The following DMD variants were observed in gnomAD, a reference collection of about 807,000 sequenced individuals.
The protein encoded by DMD is dystrophin.
In DMD, 63 loss-of-function variants were observed where a neutral mutation model predicts 330.1. That is an observed-to-expected ratio of 0.19 (90% confidence interval 0.16 to 0.24). DMD has a LOEUF of 0.24. DMD is among the 10% of genes least tolerant of loss of function. DMD has a pLI of 1.00. For synonymous variants in DMD, 1,223 were observed against 959.8 expected (o/e 1.27, Z -5.07); for missense variants, 3,344 against 2,684.1 (o/e 1.25, Z -5.43).
intron 54 of DMD, among the ~76,000 whole-genome samples, chrX:31,628,416 GA>G: frequency 9.0e-6 from 1 of 111,109 alleles, no homozygotes; most frequent in South Asian, 3.8e-4. Context: ...AAGACAAAAA[GA>G]AGGGGATTGG....
chrX:32,137,465 G>A (rs1020466097), intron 44 of DMD, among the ~76,000 whole-genome samples: 25 of 111,754 alleles, frequency 2.2e-4, no homozygotes, highest in Non-Finnish European at 7.5e-5. Flanking sequence ...AGCATTATAT[G>A]TTTAGTCACT....
intron 17 of DMD, among the ~76,000 whole-genome samples, chrX:32,543,042 G>A (rs760211747): frequency 8.0e-5 from 9 of 111,984 alleles, no homozygotes; most frequent in South Asian, 7.4e-4. Flanking sequence ...GAGGTACACT[G>A]TAGCTGTGTA....
intron 17 of DMD, among the ~76,000 whole-genome samples, chrX:32,520,845 T>C (rs1405196676): frequency 3.8e-5 from 2 of 52,047 alleles, no homozygotes; most frequent in Non-Finnish European, 7.5e-5. Flanking sequence ...CCTGCCATAC[T>C]TTTTTTTTTT....
intron 42 of DMD, 41 bp downstream of exon 42, chrX:32,310,041 G>A: frequency 8.9e-7 from 1 of 1,126,881 alleles, no homozygotes; most frequent in South Asian, 1.8e-5. Context: ...TGATCAGTAT[G>A]ATCACCTTGT....
chrX:32,314,779 A>G (rs781486218), intron 41 of DMD, among the ~76,000 whole-genome samples: 5 of 112,106 alleles, frequency 4.5e-5, no homozygotes, highest in Non-Finnish European at 9.4e-5. Flanking sequence ...CAACAAACAT[A>G]AGAAAAAAAC....
At chrX:32,573,946 T>C (rs769089823) in intron 13 of DMD, 100 bp from the exon 14 acceptor site, 225 of 644,964 alleles carry the variant, frequency 3.5e-4, no homozygotes, top group Non-Finnish European at 4.8e-4. Context: ...CAGTCTCCTA[T>C]GTACGCTAGA....
At chrX:32,342,012 T>C in intron 41 of DMD, 88 bp downstream of exon 41, 1 of 925,230 alleles carries the variant, frequency 1.1e-6, no homozygotes, top group Non-Finnish European at 1.5e-6. Context: ...GTACCCAGAT[T>C]TTTTGTCTCT....
intron 74 of DMD, among the ~76,000 whole-genome samples, chrX:31,155,293 T>C (rs1352698449): frequency 8.9e-6 from 1 of 112,922 alleles, no homozygotes; most frequent in Non-Finnish European, 1.9e-5. Context: ...TAAATGGAGC[T>C]TCCCTACTAC....
intron 1 of DMD, among the ~76,000 whole-genome samples, chrX:33,245,101 A>T (rs2052645021): frequency 9.0e-6 from 1 of 111,497 alleles, no homozygotes; most frequent in Admixed American, 9.6e-5. Flanking sequence ...TTAAACATAA[A>T]ATAAGCTAGC....
chrX:32,667,619 C>T (rs773542719), intron 9 of DMD, among the ~76,000 whole-genome samples: 61 of 111,556 alleles, frequency 5.5e-4, no homozygotes, highest in African/African-American at 1.8e-3. Flanking sequence ...TTTACTGTTA[C>T]TGAAAGCATA....
intron 1 of DMD, among the ~76,000 whole-genome samples, chrX:33,233,165 G>C (rs2052418337): frequency 9.0e-6 from 1 of 111,508 alleles, no homozygotes; most frequent in Admixed American, 9.5e-5. Context: ...ATATATCAAA[G>C]CACCATATTG....
intron 7 of DMD, among the ~76,000 whole-genome samples, chrX:32,788,687 A>G (rs1285549113): frequency 3.6e-5 from 4 of 111,162 alleles, no homozygotes; most frequent in Admixed American, 9.5e-5. Context: ...CCCTGGATAA[A>G]TGGTAAATAA....
chrX:31,814,479 T>C (rs1450969657), intron 50 of DMD, among the ~76,000 whole-genome samples: 1 of 36,318 alleles, frequency 2.8e-5, no homozygotes, highest in Non-Finnish European at 4.3e-5. Flanking sequence ...TGAGACTCCG[T>C]CTCAAAAAAA....
intron 1 of DMD, among the ~76,000 whole-genome samples, chrX:33,217,477 A>C (rs957143217): frequency 3.6e-5 from 4 of 111,939 alleles, no homozygotes; most frequent in African/African-American, 9.7e-5. Context: ...AGTTTGTAGT[A>C]TATAGATCTG....
intron 1 of DMD, among the ~76,000 whole-genome samples, chrX:33,088,264 C>A (rs964050812): frequency 2.7e-5 from 3 of 110,892 alleles, no homozygotes; most frequent in African/African-American, 9.8e-5. Flanking sequence ...AAGCTGGTGT[C>A]GAACTCCTGA....
intron 2 of DMD, among the ~76,000 whole-genome samples, chrX:32,995,333 T>C (rs1164398980): frequency 8.9e-6 from 1 of 112,366 alleles, no homozygotes; most frequent in African/African-American, 3.2e-5. Flanking sequence ...CTAAAATTCC[T>C]AGTTATGTGA....
At chrX:33,339,114 A>G in intron 1 of DMD, 1 of 679,959 alleles carries the variant, frequency 1.5e-6, no homozygotes, top group East Asian at 7.1e-5. Flanking sequence ...TTTAAAATCC[A>G]TTCTGTAAAA....
intron 4 of DMD, among the ~76,000 whole-genome samples, chrX:32,824,096 A>C (rs983089285): frequency 1.8e-5 from 2 of 112,243 alleles, no homozygotes; most frequent in African/African-American, 3.2e-5. Context: ...AAATTAAAAA[A>C]TAGTGCCATA....
At chrX:33,298,295 A>G (rs1036420970) in intron 1 of DMD, among the ~76,000 whole-genome samples, 2 of 111,680 alleles carry the variant, frequency 1.8e-5, no homozygotes, top group Non-Finnish European at 3.8e-5. Context: ...AGCCGCACAT[A>G]TCTCAATTCT....
Sources: allele counts gnomAD v4.1 joint callset (sites outside exome capture counted in the v4.1 genomes callset), GRCh38; gene constraint gnomAD v4.1.1; transcripts MANE v1.5; gene names NCBI Gene and HGNC (gene_info 2026-07-23, HGNC 2026-07-21).